The following SYT1 variants were observed in gnomAD, a reference collection of about 807,000 sequenced individuals.
SYT1 encodes the protein synaptotagmin 1.
A neutral mutation model predicts 44.8 loss-of-function variants in SYT1; 8 were observed. The observed-to-expected ratio is 0.18, with a 90% CI of 0.10 to 0.32. SYT1 has a LOEUF of 0.32. Ranked by LOEUF, SYT1 falls within the 10% of genes least tolerant of loss-of-function variation. SYT1 has a pLI of 1.00. For synonymous variants in SYT1, 154 were observed against 188.8 expected (o/e 0.82, Z 1.51); for missense variants, 286 against 509.3 (o/e 0.56, Z 4.22).
intron 4 of SYT1, among the ~76,000 whole-genome samples, chr12:79,224,771 T>C (rs1387063508): frequency 7.0e-6 from 1 of 142,438 alleles, no homozygotes; most frequent in African/African-American, 2.7e-5. Flanking sequence ...TTATTATTAT[T>C]ATTATTATTA....
At chr12:79,381,601 A>G (rs908179231) in intron 9 of SYT1, among the ~76,000 whole-genome samples, 12 of 152,228 alleles carry the variant, frequency 7.9e-5, no homozygotes, top group African/African-American at 2.9e-4. Flanking sequence ...AAATGAGCTT[A>G]TCACTCAGGT....
Position 78,884,309 on chromosome 12 carries a change from G to T in SYT1, c.-217+19200G>T, listed in dbSNP as rs1321264611. Among the ~76,000 whole-genome samples the T allele has an allele frequency of 2.0e-5, 3 of 151,524 alleles. No homozygotes were observed. The East Asian group carries it at 5.8e-4, about 29-fold the overall frequency. On this transcript the variant is annotated intron_variant, in intron 1 of 10. Coordinates refer to ENST00000261205, the MANE Select transcript of SYT1 (RefSeq NM_005639.3). ...TATAGTTATATATTTTATATATTAG[G>T]AATAGCTATATCTACTGCTTTTGGT...
intron 4 of SYT1, among the ~76,000 whole-genome samples, chr12:79,262,148 T>C (rs1168703313): frequency 6.6e-6 from 1 of 152,238 alleles, no homozygotes; most frequent in Admixed American, 6.5e-5. Flanking sequence ...GTGATTGTTG[T>C]ATATTGATTA....
At chr12:78,995,085 C>G (rs1050984190) in intron 2 of SYT1, among the ~76,000 whole-genome samples, 1 of 152,144 alleles carries the variant, frequency 6.6e-6, no homozygotes, top group African/African-American at 2.4e-5. Context: ...CTGGGTTTCA[C>G]TCCCAAGATT....
intron 2 of SYT1, among the ~76,000 whole-genome samples, chr12:79,040,343 T>C (rs1224828465): frequency 1.3e-5 from 2 of 152,204 alleles, no homozygotes; most frequent in Admixed American, 6.5e-5. Context: ...TATCTCATTG[T>C]GGTTTCGATT....
intron 1 of SYT1, among the ~76,000 whole-genome samples, chr12:78,874,464 GA>G (rs1873966304): frequency 6.6e-6 from 1 of 151,574 alleles, no homozygotes; most frequent in South Asian, 2.1e-4. Flanking sequence ...GCTGGATTCA[GA>G]TAGCCAACTC....
chr12:79,175,816 C>T (rs2138371299), intron 3 of SYT1, among the ~76,000 whole-genome samples: 1 of 152,074 alleles, frequency 6.6e-6, no homozygotes, highest in South Asian at 2.1e-4. Context: ...CTAAACCACC[C>T]AAGAAACTGT....
At chr12:79,014,122 C>CAAAAAAAAAAAAAAA (rs1358787041) in intron 2 of SYT1, among the ~76,000 whole-genome samples, 9 of 39,538 alleles carry the variant, frequency 2.3e-4, no homozygotes, top group South Asian at 8.7e-4. Context: ...AGACTCTCTC[C>CAAAAAAAAAAAAAAA]AAAAAAAAAA....
In SYT1 at chr12:79,040,775, T is replaced by C. The variant is rs199622250; in HGVS notation, c.-83-6522T>C. Among the ~76,000 whole-genome samples, 634 of 152,252 alleles carry C rather than the reference T, an allele frequency of 4.2e-3. 13 individuals carry two copies. The East Asian group carries it at 0.066, about 16-fold the overall frequency. Reference sequence around the variant, plus strand: ...GTTTTAGGTCTAACGTTTAAGTCTTTAATCCATCTTGAATTAATTTTTGTA... The same window carrying C: ...GTTTTAGGTCTAACGTTTAAGTCTTCAATCCATCTTGAATTAATTTTTGTA... On this transcript the variant is annotated intron_variant, in intron 2 of 10. Coordinates refer to ENST00000261205, the MANE Select transcript of SYT1 (RefSeq NM_005639.3).
intron 9 of SYT1, among the ~76,000 whole-genome samples, chr12:79,437,916 TG>T (rs1236747192): frequency 6.6e-6 from 1 of 152,138 alleles, no homozygotes; most frequent in Non-Finnish European, 1.5e-5. Flanking sequence ...TTGAACATCT[TG>T]GGGCAGAGGA....
chr12:79,119,582 T>A (rs1423388704), intron 3 of SYT1, among the ~76,000 whole-genome samples: 1 of 152,174 alleles, frequency 6.6e-6, no homozygotes, highest in Non-Finnish European at 1.5e-5. Context: ...ATTCAGTAAA[T>A]GTCACTATCA....
chr12:79,046,886 C>T (rs1460081171), intron 2 of SYT1, among the ~76,000 whole-genome samples: 2 of 151,772 alleles, frequency 1.3e-5, no homozygotes, highest in Non-Finnish European at 2.9e-5. Context: ...TGGGGCTGTA[C>T]AAGGTTGATT....
At chr12:79,351,480 C>G (rs927548734) in intron 8 of SYT1, among the ~76,000 whole-genome samples, 1 of 151,584 alleles carries the variant, frequency 6.6e-6, no homozygotes, top group African/African-American at 2.4e-5. Flanking sequence ...TAACCTGATC[C>G]TGCAACACAA....
At chr12:79,300,379 CAA>C (rs1880080145) in intron 8 of SYT1, among the ~76,000 whole-genome samples, 2 of 152,026 alleles carry the variant, frequency 1.3e-5, no homozygotes, top group African/African-American at 4.8e-5. Context: ...TGTAATTACG[CAA>C]GAGATTGCTG....
chr12:79,199,139 C>T (rs1167223852), intron 3 of SYT1, among the ~76,000 whole-genome samples: 4 of 152,138 alleles, frequency 2.6e-5, no homozygotes, highest in African/African-American at 9.6e-5. Context: ...TTTTTATCCT[C>T]TTTAATGCCA....
chr12:78,959,444 A>G (rs958609425), intron 1 of SYT1, among the ~76,000 whole-genome samples: 1 of 152,192 alleles, frequency 6.6e-6, no homozygotes, highest in African/African-American at 2.4e-5. Flanking sequence ...TACCTTACAT[A>G]AAAATACTGA....
At chr12:79,061,525 A>G (rs900621296) in intron 3 of SYT1, among the ~76,000 whole-genome samples, 5 of 152,064 alleles carry the variant, frequency 3.3e-5, no homozygotes, top group African/African-American at 1.2e-4. Flanking sequence ...CTTCCCCTAC[A>G]TGTTGTGAAT....
intron 8 of SYT1, among the ~76,000 whole-genome samples, chr12:79,308,611 AAAAAGAAAGAAAGAAAG>A (rs1565901482): frequency 0.029 from 1,067 of 37,362 alleles, 11 homozygotes; most frequent in African/African-American, 0.077. Context: ...AGAAAGAAAG[AAAAAGAAAGAAAGAAAG>A]AAAGAAAGAA....
intron 8 of SYT1, among the ~76,000 whole-genome samples, chr12:79,302,750 T>A (rs1880208394): frequency 6.6e-6 from 1 of 152,114 alleles, no homozygotes; most frequent in Non-Finnish European, 1.5e-5. Flanking sequence ...CACTTGCCGG[T>A]TTGTTTTTTC....
Sources: allele counts gnomAD v4.1 joint callset (sites outside exome capture counted in the v4.1 genomes callset), GRCh38; gene constraint gnomAD v4.1.1; transcripts MANE v1.5; gene names NCBI Gene and HGNC (gene_info 2026-07-23, HGNC 2026-07-21).